PACSIN2: variants seen among roughly 807,000 people sequenced by gnomAD.
PACSIN2 encodes protein kinase C and casein kinase substrate in neurons 2.
A neutral mutation model predicts 63.8 loss-of-function variants in PACSIN2; 25 were observed. The observed-to-expected ratio is 0.39, with a 90% confidence interval of 0.29 to 0.55. PACSIN2 has a LOEUF of 0.55. Among genes scored for constraint, PACSIN2 ranks in the 20% least tolerant of loss-of-function variants. PACSIN2 has a pLI of 0.62. For missense variants in PACSIN2, 518 were observed against 646.9 expected (o/e 0.80, Z 2.16); for synonymous variants, 255 against 256.2 (o/e 1.00, Z 0.05).
At chr22:42,957,207 T>C (rs1933952289) in intron 1 of PACSIN2, among the ~76,000 whole-genome samples, 1 of 152,232 alleles carries the variant, frequency 6.6e-6, no homozygotes, top group African/African-American at 2.4e-5. Context: ...TCTGACACAC[T>C]GCATAAAAAT....
At chr22:42,894,148 A>C (rs1248280472) in intron 2 of PACSIN2, among the ~76,000 whole-genome samples, 1 of 152,186 alleles carries the variant, frequency 6.6e-6, no homozygotes, top group African/African-American at 2.4e-5. Context: ...TAGTAGGAAT[A>C]AGTGTCCCCA....
chr22:42,972,475 C>G (rs1251210284), intron 1 of PACSIN2, among the ~76,000 whole-genome samples: 1 of 152,176 alleles, frequency 6.6e-6, no homozygotes, highest in African/African-American at 2.4e-5. Flanking sequence ...AAATCCCCCT[C>G]TCCGAGAAAC....
At chr22:42,956,038 C>G (rs1004044174) in intron 1 of PACSIN2, among the ~76,000 whole-genome samples, 1 of 152,226 alleles carries the variant, frequency 6.6e-6, no homozygotes, top group African/African-American at 2.4e-5. Flanking sequence ...ATTACATCAA[C>G]ATTTCGTCAA....
At chr22:42,901,921 G>C (rs1390369313) in intron 2 of PACSIN2, among the ~76,000 whole-genome samples, 1 of 152,182 alleles carries the variant, frequency 6.6e-6, no homozygotes, top group Non-Finnish European at 1.5e-5. Flanking sequence ...CTCGCCCCTG[G>C]CCCTTCCTCT....
At chr22:42,875,392 C>A (rs535855158) in intron 10 of PACSIN2, among the ~76,000 whole-genome samples, 1 of 152,076 alleles carries the variant, frequency 6.6e-6, no homozygotes, top group Admixed American at 6.6e-5. Context: ...TTGTTTGCGA[C>A]AGGGTCTCGC....
At chr22:42,884,314 ATC>A (rs1929306672) in intron 6 of PACSIN2, 70 bp downstream of exon 6, 1 of 1,420,892 alleles carries the variant, frequency 7.0e-7, no homozygotes, top group Admixed American at 1.9e-5. Context: ...TGGGAGCAGC[ATC>A]TGAGTTTGCT....
At chr22:42,902,305 G>C (rs538613215) in intron 2 of PACSIN2, among the ~76,000 whole-genome samples, 4 of 152,328 alleles carry the variant, frequency 2.6e-5, no homozygotes. Flanking sequence ...GAGGCCCACG[G>C]AGAGTGAGCT....
intron 1 of PACSIN2, among the ~76,000 whole-genome samples, chr22:42,958,718 C>T (rs886169684): frequency 2.0e-5 from 3 of 152,284 alleles, no homozygotes; most frequent in East Asian, 3.9e-4. Context: ...ACACACTTCA[C>T]AGTAGGTAAC....
At chr22:42,888,879 G>C (rs1929690795) in intron 4 of PACSIN2, 81 bp from the exon 5 acceptor site, 1 of 1,428,440 alleles carries the variant, frequency 7.0e-7, no homozygotes, top group South Asian at 1.2e-5. Flanking sequence ...CCATGGGAAT[G>C]CTTGTGCTAC....
At chr22:42,902,404 T>C (rs1320751177) in intron 2 of PACSIN2, among the ~76,000 whole-genome samples, 16 of 152,000 alleles carry the variant, frequency 1.1e-4, no homozygotes, top group Non-Finnish European at 1.0e-4. Context: ...TGCATCAAAA[T>C]AGTGGGTTCT....
At chr22:42,989,768 T>A (rs1203627962) in intron 1 of PACSIN2, among the ~76,000 whole-genome samples, 1 of 150,282 alleles carries the variant, frequency 6.7e-6, no homozygotes, top group Non-Finnish European at 1.5e-5. Context: ...GCCACCGCAT[T>A]CCAGCCTGGG....
chr22:42,927,472 C>T (rs1199355807), intron 1 of PACSIN2, among the ~76,000 whole-genome samples: 1 of 151,338 alleles, frequency 6.6e-6, no homozygotes, highest in African/African-American at 2.4e-5. Flanking sequence ...TGGTCTCAAA[C>T]TTCTGGCCTC....
In PACSIN2 at chr22:42,877,025, A is replaced by G. The variant is rs1244561108; in HGVS notation, c.1029-15T>C. On this transcript the variant is annotated splice_polypyrimidine_tract_variant and intron_variant, in intron 8 of 10. Transcript: ENST00000263246. ...CATTAAGGGTGCTATGGAGAGAGAG[A>G]GCTTTCAGGGGATCCCAGCTCTGCA... The G allele has an allele frequency of 6.2e-7, 1 of 1,613,626 alleles. No individual in the cohort carries two copies. The highest frequency in any genetic ancestry group is 1.7e-5 in the Admixed American group (1 of 60,002).
chr22:42,879,074 G>T lies in PACSIN2; in HGVS notation c.1002C>A (p.Asp334Glu). Residue 334 changes from aspartate to glutamate, a missense_variant, in exon 8 of 11, where the codon GAC (aspartate) becomes GAA (glutamate). By Grantham distance (45) the Asp-to-Glu change is conservative. This residue lies in a region of PACSIN2 where 507 missense variants were observed against 612.3 expected (regional missense o/e 0.83). Coordinates refer to ENST00000263246, the MANE Select transcript of PACSIN2 (RefSeq NM_001184970.3). Reference protein sequence around the residue: ...VTLTGINQTGDQSLPSKPSST... With the variant: ...VTLTGINQTGEQSLPSKPSST... ...TGCTGGGCTTACTCGGCAGAGACTG[G>T]TCGCCTGTCTGGTTGATGCCCGTCA... is the stretch of plus-strand genomic sequence containing the variant. 9 of 1,614,104 alleles carry T rather than the reference G, an allele frequency of 5.6e-6. No homozygotes were observed. Among genetic ancestry groups the T allele is most frequent in the Non-Finnish European group, 6.8e-6 (8 of 1,179,994 alleles).
chr22:42,947,958 G>A (rs997018319), intron 1 of PACSIN2, among the ~76,000 whole-genome samples: 2 of 152,200 alleles, frequency 1.3e-5, no homozygotes, highest in Non-Finnish European at 2.9e-5. Flanking sequence ...AGGGTCGATG[G>A]ACACTTGAAC....
chr22:43,010,398 A>ATATATATATATATTTTTT, intron 1 of PACSIN2, among the ~76,000 whole-genome samples: 12 of 126,392 alleles, frequency 9.5e-5, no homozygotes, highest in Middle Eastern at 4.0e-3. Flanking sequence ...ATATATATAT[A>ATATATATATATATTTTTT]TTTTTTTTTA....
intron 3 of PACSIN2, among the ~76,000 whole-genome samples, chr22:42,892,922 C>T (rs1602195929): frequency 6.6e-6 from 1 of 152,348 alleles, no homozygotes; most frequent in Middle Eastern, 3.4e-3. Context: ...TGGCCCCTGT[C>T]CACACAACAG....
chr22:42,885,144 A>C (rs1929381367), intron 5 of PACSIN2, among the ~76,000 whole-genome samples: 1 of 152,172 alleles, frequency 6.6e-6, no homozygotes. Flanking sequence ...ACAAGGCAGG[A>C]AATGTTAAAA....
intron 5 of PACSIN2, 150 bp downstream of exon 5, chr22:42,888,493 T>C: frequency 1.4e-6 from 1 of 726,278 alleles, no homozygotes; most frequent in Non-Finnish European, 2.3e-6. Context: ...GGCACTCACC[T>C]GTGGCCTTCT....
Sources: gnomAD v4.1 joint callset for allele counts (sites outside exome capture counted in the v4.1 genomes callset) on GRCh38, gnomAD v4.1.1 for gene constraint, gnomAD v4.1.1 regional missense constraint, MANE v1.5 for transcripts, NCBI Gene and HGNC (gene_info 2026-07-23, HGNC 2026-07-21) for gene names.